The following CSRNP3 variants were observed in gnomAD, a reference collection of about 807,000 sequenced individuals.
CSRNP3 encodes the protein cysteine and serine rich nuclear protein 3.
A neutral mutation model predicts 48.0 loss-of-function variants in CSRNP3; 12 were observed. The ratio of observed to expected loss-of-function variants is 0.25; its 90% confidence interval spans 0.16 to 0.41. The LOEUF is 0.41. Among genes scored for constraint, CSRNP3 ranks in the 10% least tolerant of loss-of-function variants. The pLI, the probability that CSRNP3 is intolerant of heterozygous loss-of-function variation, is 1.00. For synonymous variants in CSRNP3, 263 were observed against 269.7 expected, an observed-to-expected ratio of 0.98 and a Z score of 0.24; for missense variants, 580 against 724.4, an observed-to-expected ratio of 0.80 and a Z score of 2.29.
rs547881750 is a variant in CSRNP3 at position 165,680,550 on chromosome 2, T to A, written c.*797T>A. 1.3e-4 allele frequency: 20 copies of A among 152,778 alleles called. No individual in the cohort carries two copies. The East Asian group carries it at 3.9e-3, about 29-fold the overall frequency. 9.5% of individuals were successfully genotyped at this position (152,778 alleles called of 1,614,324 possible). ...AGAGATGGAGGTAGAAGGAATTGCC[T>A]TTCTTTTTTAAACAGCATCATCTTG... On this transcript the variant is annotated 3_prime_UTR_variant, in exon 7 of 7. Transcript: ENST00000651982.
intron 4 of CSRNP3, among the ~76,000 whole-genome samples, chr2:165,611,218 A>G (rs1686130329): frequency 6.6e-6 from 1 of 152,124 alleles, no homozygotes; most frequent in Non-Finnish European, 1.5e-5. Context: ...GTAGTAAGCA[A>G]GGGGAAGTAT....
chr2:165,604,761 T>G (rs1010843910), intron 4 of CSRNP3, among the ~76,000 whole-genome samples: 1 of 152,092 alleles, frequency 6.6e-6, no homozygotes, highest in Non-Finnish European at 1.5e-5. Flanking sequence ...TTGAATTGGC[T>G]AGGAAAAAAG....
chr2:165,527,863 C>G (rs961697521), intron 3 of CSRNP3, among the ~76,000 whole-genome samples: 2 of 150,218 alleles, frequency 1.3e-5, no homozygotes, highest in Non-Finnish European at 3.0e-5. Flanking sequence ...CAACAAGACC[C>G]CAGTAGAAAA....
chr2:165,503,960 A>G (rs1239976443), intron 2 of CSRNP3, among the ~76,000 whole-genome samples: 1 of 152,002 alleles, frequency 6.6e-6, no homozygotes, highest in African/African-American at 2.4e-5. Flanking sequence ...GTAAAGTTGT[A>G]TCAGAATCTT....
At chr2:165,646,566 T>C (rs1686815059) in intron 4 of CSRNP3, among the ~76,000 whole-genome samples, 1 of 152,232 alleles carries the variant, frequency 6.6e-6, no homozygotes, top group Admixed American at 6.5e-5. Flanking sequence ...AGCAAATGTT[T>C]CCTTCTGTCA....
intron 3 of CSRNP3, among the ~76,000 whole-genome samples, chr2:165,570,488 G>A (rs2105273777): frequency 6.7e-6 from 1 of 150,052 alleles, no homozygotes; most frequent in African/African-American, 2.4e-5. Context: ...CTCAGCTCTT[G>A]TTCTCCCACT....
chr2:165,679,489 C>T lies in CSRNP3; in HGVS notation c.1494C>T (p.Pro498=), dbSNP rs1175104100. Residue 498 remains proline (P), a synonymous_variant, in exon 7 of 7, where the codon CCC becomes CCT. Coordinates refer to ENST00000651982, the MANE Select transcript of CSRNP3 (RefSeq NM_001172173.2). ...YGASHYPAAN[P]SVIVCCSSSE... ...CCTCCCACTACCCAGCTGCCAACCCCTCTGTAATCGTTTGCTGCTCCTCTT... is the reference window on the plus strand; with the variant it reads ...CCTCCCACTACCCAGCTGCCAACCCTTCTGTAATCGTTTGCTGCTCCTCTT... 2.5e-6 allele frequency: 4 copies of T among 1,613,464 alleles called. No individual in the cohort carries two copies. Among genetic ancestry groups the T allele is most frequent in the Middle Eastern group, 1.6e-4 (1 of 6,080 alleles).
At chr2:165,651,040 T>A (rs1448976825) in intron 4 of CSRNP3, among the ~76,000 whole-genome samples, 3 of 152,190 alleles carry the variant, frequency 2.0e-5, no homozygotes, top group African/African-American at 4.8e-5. Context: ...AAACAACAAG[T>A]GTACTTAAAG....
chr2:165,665,547 G>A (rs1260742487), intron 5 of CSRNP3, among the ~76,000 whole-genome samples: 1 of 152,062 alleles, frequency 6.6e-6, no homozygotes, highest in Non-Finnish European at 1.5e-5. Context: ...AATTGCTGGA[G>A]GCCGGGAGTT....
intron 5 of CSRNP3, among the ~76,000 whole-genome samples, chr2:165,662,944 CA>C (rs1687121190): frequency 6.6e-6 from 1 of 151,954 alleles, no homozygotes; most frequent in African/African-American, 2.4e-5. Context: ...AAAAAACAAA[CA>C]AAAAAAGTTG....
At chr2:165,664,842 A>AC (rs1261518769) in intron 5 of CSRNP3, among the ~76,000 whole-genome samples, 1 of 152,148 alleles carries the variant, frequency 6.6e-6, no homozygotes, top group Non-Finnish European at 1.5e-5. Flanking sequence ...TGGTAAGCAA[A>AC]AAACAAACAA....
intron 5 of CSRNP3, among the ~76,000 whole-genome samples, chr2:165,667,077 G>GGA (rs1553484546): frequency 1.3e-4 from 8 of 60,472 alleles, no homozygotes; most frequent in Admixed American, 2.0e-4. Context: ...GAAAGAGAGA[G>GGA]AGAAAGAAAG....
intron 4 of CSRNP3, among the ~76,000 whole-genome samples, chr2:165,634,201 A>G (rs746750674): frequency 2.0e-4 from 30 of 152,000 alleles, no homozygotes; most frequent in Non-Finnish European, 1.3e-4. Context: ...TTAGCCAGGC[A>G]TGATGGTGTG....
At chr2:165,674,329 A>G (rs1687383574) in intron 5 of CSRNP3, among the ~76,000 whole-genome samples, 2 of 152,076 alleles carry the variant, frequency 1.3e-5, no homozygotes, top group South Asian at 2.1e-4. Flanking sequence ...AGCTTTACCT[A>G]TCACAGAGGA....
In CSRNP3 at chr2:165,678,788, C is replaced by T. The variant is rs1353543644; in HGVS notation, c.793C>T (p.Arg265Trp). Residue 265 changes from arginine (R) to tryptophan (W), a missense_variant, in exon 7 of 7, where the codon CGG (arginine) becomes TGG (tryptophan). Around this residue, in one of 4 missense-constraint regions of CSRNP3, gnomAD observed 66 missense variants for 137.6 expected, o/e 0.48. Transcript: ENST00000651982. ...AATTGAATTTAATCCTATCCGTGTT[C>T]GGACTCACTTTTTGCACACAATAAT... ...GRIEFNPIRV[R>W]THFLHTIMKL... 1 of 1,613,998 alleles carries T rather than the reference C, an allele frequency of 6.2e-7. No homozygotes were observed. The highest frequency in any genetic ancestry group is 8.5e-7 in the Non-Finnish European group (1 of 1,179,986).
intron 3 of CSRNP3, among the ~76,000 whole-genome samples, chr2:165,564,417 A>G (rs1465681613): frequency 1.3e-5 from 2 of 152,094 alleles, no homozygotes; most frequent in Admixed American, 6.6e-5. Flanking sequence ...TAACAGATAG[A>G]TGGAAAATAT....
At chr2:165,564,679 T>C (rs963246651) in intron 3 of CSRNP3, among the ~76,000 whole-genome samples, 4 of 151,992 alleles carry the variant, frequency 2.6e-5, no homozygotes, top group Non-Finnish European at 5.9e-5. Flanking sequence ...AATTATTATT[T>C]TGTAAACATT....
intron 5 of CSRNP3, among the ~76,000 whole-genome samples, chr2:165,663,754 G>T (rs1573953695): frequency 6.6e-6 from 1 of 152,306 alleles, no homozygotes; most frequent in East Asian, 1.9e-4. Context: ...CACTAAAGTG[G>T]ATTGTGTACT....
chr2:165,503,153 A>G (rs1429560305), intron 2 of CSRNP3, among the ~76,000 whole-genome samples: 1 of 151,960 alleles, frequency 6.6e-6, no homozygotes, highest in Non-Finnish European at 1.5e-5. Flanking sequence ...GGAACTGTTT[A>G]GGCAAACTTC....
Sources: gnomAD v4.1 joint callset for allele counts (sites outside exome capture counted in the v4.1 genomes callset) on GRCh38, gnomAD v4.1.1 for gene constraint, gnomAD v4.1.1 regional missense constraint, MANE v1.5 for transcripts, NCBI Gene and HGNC (gene_info 2026-07-23, HGNC 2026-07-21) for gene names.